KCNJ6: variants seen among roughly 807,000 people sequenced by gnomAD.
The protein encoded by KCNJ6 is G protein-activated inward rectifier potassium channel 2.
A neutral mutation model predicts 34.2 loss-of-function variants in KCNJ6; 9 were observed. That is an observed-to-expected ratio of 0.26 (90% CI 0.16 to 0.46). The LOEUF (loss-of-function observed/expected upper bound fraction) is 0.46. Ranked by LOEUF, KCNJ6 falls within the 20% of genes least tolerant of loss-of-function variation. The probability of loss-of-function intolerance (pLI) is 1.00; values close to 1 mark genes in which losing one functional copy is unlikely to be tolerated. For missense variants in KCNJ6, 236 were observed against 531.3 expected (o/e 0.44, Z 5.46); for synonymous variants, 196 against 207.1 (o/e 0.95, Z 0.46).
intron 3 of KCNJ6, among the ~76,000 whole-genome samples, chr21:37,634,616 C>T (rs2054348707): frequency 1.3e-5 from 2 of 152,042 alleles, no homozygotes; most frequent in Middle Eastern, 3.2e-3. Flanking sequence ...AAGTAAATTA[C>T]ACATGCAGGG....
chr21:37,830,378 C>T (rs1027307288), intron 2 of KCNJ6, among the ~76,000 whole-genome samples: 2 of 152,182 alleles, frequency 1.3e-5, no homozygotes, highest in African/African-American at 4.8e-5. Flanking sequence ...TTTGGCCTTC[C>T]TCTTCCTTCC....
In KCNJ6 at chr21:37,655,210, TGTGTGTGTGTGTGTGAGAGAGAGAGAGA is replaced by T. The variant is rs2054453482; in HGVS notation, c.947-29754_947-29727del. ...GTGTGTGTGTGTGTGTGTGTGTGTG[TGTGTGTGTGTGTGTGAGAGAGAGAGAGA>T]GAGAGAGAGAGAGAGAGAGAGAGAG... On this transcript the variant is annotated intron_variant, in intron 3 of 3. Coordinates refer to ENST00000609713, the MANE Select transcript of KCNJ6 (RefSeq NM_002240.5). Among the ~76,000 whole-genome samples the T allele has an allele frequency of 1.4e-4, 12 of 87,228 alleles. 1 individual carries two copies. Among genetic ancestry groups the T allele is most frequent in the East Asian group, 1.0e-3 (3 of 2,860 alleles). The allele number at this position is 87,228 out of a possible 152,430, so 57.2% of individuals were successfully genotyped here.
At chr21:37,655,205 G>T (rs2054452947) in intron 3 of KCNJ6, among the ~76,000 whole-genome samples, 1 of 77,712 alleles carries the variant, frequency 1.3e-5, no homozygotes, top group East Asian at 3.6e-4. Context: ...GTGTGTGTGT[G>T]TGTGTGTGTG....
At chr21:37,713,306 G>A (rs962098156) in intron 3 of KCNJ6, among the ~76,000 whole-genome samples, 6 of 151,628 alleles carry the variant, frequency 4.0e-5, no homozygotes, top group Admixed American at 1.3e-4. Flanking sequence ...CAGGAAAAAG[G>A]ACCCCAAAGA....
At chr21:37,677,992 T>C (rs1783044) in intron 3 of KCNJ6, among the ~76,000 whole-genome samples, 134,079 of 151,796 alleles carry the variant, frequency 0.88, 59,964 homozygotes, top group Non-Finnish European at 0.95. Flanking sequence ...CCTACAAAAG[T>C]TCTTACTGTC....
chr21:37,647,718 G>A (rs1314100820), intron 3 of KCNJ6, among the ~76,000 whole-genome samples: 1 of 152,136 alleles, frequency 6.6e-6, no homozygotes, highest in East Asian at 1.9e-4. Flanking sequence ...CCTTCTCATG[G>A]AAACCATGAT....
At chr21:37,682,830 C>T (rs1399223865) in intron 3 of KCNJ6, among the ~76,000 whole-genome samples, 1 of 152,116 alleles carries the variant, frequency 6.6e-6, no homozygotes, top group Non-Finnish European at 1.5e-5. Context: ...AATTCTGGGT[C>T]CTGCTGCTCA....
Position 37,816,631 on chromosome 21 carries a change from G to A in KCNJ6, c.25+24027C>T, listed in dbSNP as rs150559474. ...GCTGGGCTGGGTCAGGGCGATTGGCGGAGGGGGCACCTCTGTGGCTATAGC... is the reference window on the plus strand; with the variant it reads ...GCTGGGCTGGGTCAGGGCGATTGGCAGAGGGGGCACCTCTGTGGCTATAGC... On this transcript the variant is annotated intron_variant, in intron 2 of 3. Transcript: ENST00000609713. 3.3e-3 allele frequency among the ~76,000 whole-genome samples: 502 copies of A among 152,306 alleles called. 3 individuals carry two copies. The highest frequency in any genetic ancestry group is 0.012 in the African/African-American group (482 of 41,562).
At chr21:37,667,287 A>G (rs1162509345) in intron 3 of KCNJ6, among the ~76,000 whole-genome samples, 1 of 151,522 alleles carries the variant, frequency 6.6e-6, no homozygotes, top group African/African-American at 2.4e-5. Context: ...TATCCAGGCC[A>G]GGGTTCCACA....
At chr21:37,867,931 G>A (rs2055631042) in intron 1 of KCNJ6, among the ~76,000 whole-genome samples, 1 of 152,136 alleles carries the variant, frequency 6.6e-6, no homozygotes, top group African/African-American at 2.4e-5. Flanking sequence ...TTAGGACTTG[G>A]CCTTTATATA....
chr21:37,843,525 T>C (rs2055491347), intron 1 of KCNJ6, among the ~76,000 whole-genome samples: 1 of 152,238 alleles, frequency 6.6e-6, no homozygotes, highest in Non-Finnish European at 1.5e-5. Flanking sequence ...TTACACGACA[T>C]GTATATCCAA....
At chr21:37,875,538 G>A (rs1054781701) in intron 1 of KCNJ6, among the ~76,000 whole-genome samples, 2 of 152,230 alleles carry the variant, frequency 1.3e-5, no homozygotes, top group African/African-American at 4.8e-5. Flanking sequence ...GTTCCTCGGG[G>A]TTTAATTGCT....
Position 37,852,650 on chromosome 21 carries a change from G to A in KCNJ6, c.-27-11941C>T, listed in dbSNP as rs141350287. ...CTTATAGTAACACCAAAAATGCTTA[G>A]GTTTCAGTAAAAAATTACCTGTCAT... On this transcript the variant is annotated intron_variant, in intron 1 of 3. Coordinates refer to ENST00000609713, the MANE Select transcript of KCNJ6 (RefSeq NM_002240.5). Among the ~76,000 whole-genome samples the A allele has an allele frequency of 3.9e-3, 588 of 152,228 alleles. 4 individuals are homozygous for A. The highest frequency in any genetic ancestry group is 0.013 in the African/African-American group (526 of 41,510).
At chr21:37,679,739 G>C (rs2054582502) in intron 3 of KCNJ6, among the ~76,000 whole-genome samples, 1 of 152,172 alleles carries the variant, frequency 6.6e-6, no homozygotes, top group Non-Finnish European at 1.5e-5. Flanking sequence ...GGGGCCTTCT[G>C]TATGGTAGGG....
chr21:37,897,317 T>G (rs1176236761), intron 1 of KCNJ6, among the ~76,000 whole-genome samples: 1 of 152,164 alleles, frequency 6.6e-6, no homozygotes, highest in African/African-American at 2.4e-5. Flanking sequence ...TGTTGTTCAG[T>G]CCTGGCTGGA....
At chr21:37,860,055 A>G (rs1305786381) in intron 1 of KCNJ6, among the ~76,000 whole-genome samples, 4 of 152,016 alleles carry the variant, frequency 2.6e-5, no homozygotes. Context: ...ACATGGCCCC[A>G]AGACACATGC....
In KCNJ6 at chr21:37,638,429, G is replaced by A. The variant is rs78680347; in HGVS notation, c.947-12945C>T. On this transcript the variant is annotated intron_variant, in intron 3 of 3. Coordinates refer to ENST00000609713, the MANE Select transcript of KCNJ6 (RefSeq NM_002240.5). ...CCCAAAGTGCTAGGATTACAGGTGT[G>A]AGCCACCGCTCCCAGCCATAAATTT... is the stretch of plus-strand genomic sequence containing the variant. 3.1e-3 allele frequency among the ~76,000 whole-genome samples: 479 copies of A among 152,278 alleles called. 4 individuals carry two copies. Among genetic ancestry groups the A allele is most frequent in the Middle Eastern group, 6.8e-3 (2 of 294 alleles).
intron 2 of KCNJ6, among the ~76,000 whole-genome samples, chr21:37,771,456 C>T (rs548824284): frequency 3.3e-4 from 50 of 152,248 alleles, no homozygotes; most frequent in Admixed American, 3.0e-3. Context: ...TAGCCAGCTG[C>T]CACAATTACA....
At chr21:37,843,917 G>A (rs1159778569) in intron 1 of KCNJ6, among the ~76,000 whole-genome samples, 3 of 152,152 alleles carry the variant, frequency 2.0e-5, no homozygotes, top group East Asian at 1.9e-4. Flanking sequence ...CCATTTCTAT[G>A]TTCTTTCTTC....
Sources: gnomAD v4.1 joint callset for allele counts (sites outside exome capture counted in the v4.1 genomes callset) on GRCh38, gnomAD v4.1.1 for gene constraint, MANE v1.5 for transcripts, NCBI Gene and HGNC (gene_info 2026-07-23, HGNC 2026-07-21) for gene names.